CFAP20: variants seen among roughly 807,000 people sequenced by gnomAD.
CFAP20 encodes the protein cilia and flagella associated protein 20, also known as cilia- and flagella-associated protein 20.
A neutral mutation model predicts 25.5 loss-of-function variants in CFAP20; 14 were observed. That is an observed-to-expected ratio of 0.55 (90% confidence interval 0.36 to 0.86). The LOEUF is 0.86. CFAP20 is among the 40% of genes least tolerant of loss of function. The probability of loss-of-function intolerance (pLI) is 0.01; values close to 1 mark genes in which losing one functional copy is unlikely to be tolerated. For synonymous variants in CFAP20, 75 were observed against 91.1 expected, an observed-to-expected ratio of 0.82 and a Z score of 1.01; for missense variants, 181 against 248.0, an observed-to-expected ratio of 0.73 and a Z score of 1.81.
Position 58,113,978 on chromosome 16 carries a change from A to G in CFAP20, c.*47T>C. On this transcript the variant is annotated 3_prime_UTR_variant, in exon 6 of 6. Transcript: ENST00000262498. ...CGTCCTCCACATAGTTTCCTTTTAA[A>G]AAGAAGAGTCACATCCAGGGGTCTA... 6.3e-7 allele frequency: 1 copy of G among 1,596,624 alleles called. No homozygotes were observed. Among genetic ancestry groups the G allele is most frequent in the Non-Finnish European group, 8.6e-7 (1 of 1,164,206 alleles).
chr16:58,123,110 T>A (rs1254894329), intron 1 of CFAP20, among the ~76,000 whole-genome samples: 4 of 151,922 alleles, frequency 2.6e-5, no homozygotes, highest in Admixed American at 6.5e-5. Context: ...TTCTCCTGCC[T>A]CAGCCTCCCG....
intron 3 of CFAP20, chr16:58,115,749 A>G (rs1312526909): frequency 1.1e-5 from 6 of 528,748 alleles, no homozygotes; most frequent in Middle Eastern, 5.1e-4. Flanking sequence ...CAGAAATACT[A>G]AAACAGAACA....
intron 1 of CFAP20, among the ~76,000 whole-genome samples, chr16:58,124,127 C>T (rs1447653264): frequency 6.6e-6 from 1 of 152,216 alleles, no homozygotes; most frequent in Non-Finnish European, 1.5e-5. Flanking sequence ...AAGTGAGTCC[C>T]GCCTGGAGAA....
chr16:58,117,641 G>A (rs573800471), intron 1 of CFAP20, among the ~76,000 whole-genome samples: 8 of 151,988 alleles, frequency 5.3e-5, no homozygotes, highest in Non-Finnish European at 1.0e-4. Context: ...CACCATGTTG[G>A]CCAGGCTGGT....
chr16:58,121,651 T>C (rs903049422), intron 1 of CFAP20, among the ~76,000 whole-genome samples: 2 of 152,228 alleles, frequency 1.3e-5, no homozygotes, highest in African/African-American at 4.8e-5. Flanking sequence ...AATGGTTCTC[T>C]GCCTCTGCAG....
Position 58,114,866 on chromosome 16 carries a change from C to G in CFAP20, c.520G>C (p.Glu174Gln). 1 of 1,614,126 alleles carries G rather than the reference C, an allele frequency of 6.2e-7. No homozygotes were observed. Among genetic ancestry groups the G allele is most frequent in the Non-Finnish European group, 8.5e-7 (1 of 1,180,006 alleles). The stretch of plus-strand genomic sequence containing the variant: ...TTGAACTCTGCCGGCAGCTCATCTT[C>G]TGAGTAGAGTCTGTCTGAGAAGTAA... ...RVYFSDRLYS[E>Q]DELPAEFKLY... Residue 174 changes from glutamate (E) to glutamine (Q), a missense_variant, in exon 5 of 6, where the codon GAA becomes CAA. Glu to Gln is a conservative substitution (Grantham distance 29). Transcript: ENST00000262498.
rs1185444609 is a variant in CFAP20 at position 58,129,146 on chromosome 16, C to G, written c.-31G>C. The stretch of plus-strand genomic sequence containing the variant: ...CGGCGGCCTTCTCCTAAGCCGCCCC[C>G]GGAGCCGACCTAGGCCCCGGAGTAG... On this transcript the variant is annotated 5_prime_UTR_variant, in exon 1 of 6. Transcript: ENST00000262498. 1.2e-6 allele frequency: 2 copies of G among 1,611,124 alleles called. No homozygotes were observed. The highest frequency in any genetic ancestry group is 1.7e-6 in the Non-Finnish European group (2 of 1,179,030).
Position 58,114,120 on chromosome 16 carries a change from T to C in CFAP20, c.577-90A>G, listed in dbSNP as rs112009407. 3.3e-4 allele frequency: 439 copies of C among 1,341,144 alleles called. 1 individual carries two copies. The African/African-American group carries it at 5.8e-3, about 18-fold the overall frequency. 83.1% of individuals were successfully genotyped at this position (1,341,144 alleles called of 1,614,324 possible). ...CAGGCCCCCTGCCTCTGGTGACACT[T>C]GAGTGGACAGTGACTGTGGAGAATG... On this transcript the variant is annotated intron_variant, in intron 5 of 5. Coordinates refer to ENST00000262498, the MANE Select transcript of CFAP20 (RefSeq NM_013242.3).
At chr16:58,128,976 G>C in intron 1 of CFAP20, 56 bp downstream of exon 1, 133 of 1,382,464 alleles carry the variant, frequency 9.6e-5, no homozygotes, top group Non-Finnish European at 1.2e-4. Flanking sequence ...CCCAGCCCCC[G>C]GACGAGGAGG....
chr16:58,114,621 T>C (rs1450074331), intron 5 of CFAP20, among the ~76,000 whole-genome samples, 189 bp downstream of exon 5: 2 of 152,010 alleles, frequency 1.3e-5, no homozygotes, highest in Non-Finnish European at 2.9e-5. Flanking sequence ...GAAACAGCAG[T>C]AACAGAGTAT....
rs1364131787 is a variant in CFAP20, at chr16:58,114,081, G to T, written c.577-51C>A. ...CATCAGTTTAAGTTACTAGAAAATA[G>T]ATGGTCAGTGTCACAGGCCCCCTGC... On this transcript the variant is annotated intron_variant, in intron 5 of 5. Coordinates refer to ENST00000262498, the MANE Select transcript of CFAP20 (RefSeq NM_013242.3). 3 of 1,592,508 alleles carry T rather than the reference G, an allele frequency of 1.9e-6. No homozygotes were observed. The East Asian group carries it at 6.7e-5, about 36-fold the overall frequency.
intron 1 of CFAP20, among the ~76,000 whole-genome samples, chr16:58,123,897 AAAG>A (rs1271537990): frequency 6.6e-6 from 1 of 152,196 alleles, no homozygotes; most frequent in Non-Finnish European, 1.5e-5. Flanking sequence ...GTGTGATAAG[AAAG>A]AAGTAAATTA....
chr16:58,128,068 CT>C lies in CFAP20; in HGVS notation c.84+963del, dbSNP rs555175497. Among the ~76,000 whole-genome samples the C allele has an allele frequency of 1.7e-3, 258 of 152,332 alleles. 1 individual carries two copies. Among genetic ancestry groups the C allele is most frequent in the African/African-American group, 6.0e-3 (250 of 41,574 alleles). On this transcript the variant is annotated intron_variant, in intron 1 of 5. Transcript: ENST00000262498. ...CCAGAGAGCAGTACTAAGAATATGA[CT>C]TAAATTTCACATTGGAGTGCCTCCC...
At chr16:58,124,642 C>T (rs969952386) in intron 1 of CFAP20, among the ~76,000 whole-genome samples, 13 of 152,152 alleles carry the variant, frequency 8.5e-5, no homozygotes, top group East Asian at 3.9e-4. Context: ...ACTGTATAAA[C>T]GATAAAAAGT....
intron 1 of CFAP20, chr16:58,119,292 G>T (rs1159143674): frequency 6.6e-6 from 1 of 152,142 alleles, no homozygotes; most frequent in Non-Finnish European, 1.5e-5. Context: ...GCCAAGACCA[G>T]TTATGAAGCA....
At chr16:58,121,070 A>G (rs1257954309) in intron 1 of CFAP20, among the ~76,000 whole-genome samples, 1 of 152,226 alleles carries the variant, frequency 6.6e-6, no homozygotes, top group Non-Finnish European at 1.5e-5. Context: ...AGATATGTGC[A>G]TTAGAGGGTA....
intron 1 of CFAP20, among the ~76,000 whole-genome samples, chr16:58,122,864 ACT>A (rs1321458202): frequency 7.9e-5 from 12 of 152,292 alleles, no homozygotes; most frequent in African/African-American, 2.4e-4. Flanking sequence ...ACAGCAGAAG[ACT>A]CTGGTCTAAT....
chr16:58,115,485 A>G, intron 3 of CFAP20, 28 bp from the exon 4 acceptor site: 1 of 1,609,796 alleles, frequency 6.2e-7, no homozygotes, highest in Non-Finnish European at 8.5e-7. Context: ...GAAGCATCAC[A>G]CTAGCTCTGT....
At chr16:58,123,595 C>CAAAAAAAAAAAAAAAAAAAAAA in intron 1 of CFAP20, among the ~76,000 whole-genome samples, 1 of 45,722 alleles carries the variant, frequency 2.2e-5, no homozygotes, top group Non-Finnish European at 4.3e-5. Context: ...GACTCTGTCT[C>CAAAAAAAAAAAAAAAAAAAAAA]AAAAAAAAAA....
Sources: allele counts gnomAD v4.1 joint callset (sites outside exome capture counted in the v4.1 genomes callset), GRCh38; gene constraint gnomAD v4.1.1; transcripts MANE v1.5; gene names NCBI Gene and HGNC (gene_info 2026-07-23, HGNC 2026-07-21).